KCNQ1: variants seen among roughly 807,000 people sequenced by gnomAD.
The protein encoded by KCNQ1 is potassium voltage-gated channel subfamily Q member 1.
A neutral mutation model predicts 72.4 loss-of-function variants in KCNQ1; 49 were observed. The observed-to-expected ratio is 0.68, with a 90% CI of 0.54 to 0.86. The LOEUF (loss-of-function observed/expected upper bound fraction) is 0.86, where lower values mean the gene tolerates loss of function less well. Ranked by LOEUF, KCNQ1 falls within the 40% of genes least tolerant of loss-of-function variation. The pLI is 0.00. For synonymous variants in KCNQ1, 450 were observed against 412.6 expected, an observed-to-expected ratio of 1.09 and a Z score of -1.10; for missense variants, 790 against 945.1, an observed-to-expected ratio of 0.84 and a Z score of 2.15.
Position 2,746,651 on chromosome 11 carries a change from C to T in KCNQ1, c.1515-22193C>T, listed in dbSNP as rs183192659. Among the ~76,000 whole-genome samples the T allele has an allele frequency of 6.6e-6, 1 of 152,342 alleles. No homozygotes were observed. Among genetic ancestry groups the T allele is most frequent in the Admixed American group, 6.5e-5 (1 of 15,308 alleles). On this transcript the variant is annotated intron_variant, in intron 11 of 15. Coordinates refer to ENST00000155840, the MANE Select transcript of KCNQ1 (RefSeq NM_000218.3). The surrounding 1 kb of genome is among the most constrained non-coding windows in gnomAD (Gnocchi z 5.9). ...GGAGGGAGAGCACAGAGGGAAATGC[C>T]CTTCTCATCGCCCTGTTCCGAGGGC...
chr11:2,471,659 TGTGTGCATGG>T lies in KCNQ1; in HGVS notation c.386+26183_386+26192del, dbSNP rs1316664235. Among the ~76,000 whole-genome samples the T allele has an allele frequency of 2.6e-5, 4 of 151,268 alleles. No homozygotes were observed. The highest frequency in any genetic ancestry group is 9.8e-5 in the African/African-American group (4 of 40,968). On this transcript the variant is annotated intron_variant, in intron 1 of 15. Transcript: ENST00000155840. This position sits in a 1 kb window ranked among gnomAD's most constrained non-coding sequence, Gnocchi z 4.8. ...GGATGTGTGTACACATGTGTATGGGTGTGTGCATGGGTGTGCACATGTGTATGGGTGTGCA... is the reference window on the plus strand; with the variant it reads ...GGATGTGTGTACACATGTGTATGGGTGTGTGCACATGTGTATGGGTGTGCA...
At chr11:2,465,111 A>G (rs1846333174) in intron 1 of KCNQ1, among the ~76,000 whole-genome samples, 1 of 151,916 alleles carries the variant, frequency 6.6e-6, no homozygotes, top group African/African-American at 2.4e-5. Context: ...CAGTCCCTCC[A>G]GAGCTCCTAA....
chr11:2,480,962 C>T (rs1846641545), intron 1 of KCNQ1, among the ~76,000 whole-genome samples: 1 of 152,166 alleles, frequency 6.6e-6, no homozygotes, highest in Admixed American at 6.5e-5. Context: ...GCAGGCAAGT[C>T]TAAGCAGAGC....
chr11:2,751,634 G>C (rs530914156), intron 11 of KCNQ1, among the ~76,000 whole-genome samples: 20 of 152,374 alleles, frequency 1.3e-4, no homozygotes, highest in Non-Finnish European at 2.2e-4. Flanking sequence ...TCTGACAGGC[G>C]GCTGTTCTGA....
chr11:2,601,114 T>G lies in KCNQ1; in HGVS notation c.1393+12260T>G, dbSNP rs1162838532. 1.3e-5 allele frequency among the ~76,000 whole-genome samples: 2 copies of G among 151,974 alleles called. No homozygotes were observed. The highest frequency in any genetic ancestry group is 2.9e-5 in the Non-Finnish European group (2 of 67,996). On this transcript the variant is annotated intron_variant, in intron 10 of 15. Transcript: ENST00000155840. The surrounding 1 kb of genome is among the most constrained non-coding windows in gnomAD (Gnocchi z 5.2). Reference sequence around the variant, plus strand: ...AAAAAAAAAAAAGTCTCTCCAGATTTAAATGCTTTTGGAAACCAGGCTTTA... The same window carrying G: ...AAAAAAAAAAAAGTCTCTCCAGATTGAAATGCTTTTGGAAACCAGGCTTTA...
chr11:2,844,081 G>A (rs1213904287), intron 15 of KCNQ1, among the ~76,000 whole-genome samples: 1 of 152,234 alleles, frequency 6.6e-6, no homozygotes, highest in Non-Finnish European at 1.5e-5. Flanking sequence ...TCGGCCATGG[G>A]AGGTGCTTCT....
At chr11:2,583,135 C>CTG (rs1848528726) in intron 6 of KCNQ1, among the ~76,000 whole-genome samples, 1 of 152,064 alleles carries the variant, frequency 6.6e-6, no homozygotes, top group Admixed American at 6.5e-5. Flanking sequence ...ATGAGGCAGC[C>CTG]GGTGTGGGGC....
intron 15 of KCNQ1, among the ~76,000 whole-genome samples, chr11:2,791,177 G>A (rs566017877): frequency 6.6e-6 from 1 of 152,362 alleles, no homozygotes; most frequent in African/African-American, 2.4e-5. Context: ...GCTGGGATAG[G>A]ACAGCAGGCG....
At chr11:2,798,448 C>A (rs1278441340) in intron 15 of KCNQ1, among the ~76,000 whole-genome samples, 6 of 152,062 alleles carry the variant, frequency 3.9e-5, no homozygotes, top group African/African-American at 7.2e-5. Flanking sequence ...GGCCTCCTTA[C>A]TGGGGTCACC....
rs542004147 is a variant in KCNQ1, at chr11:2,785,728, T to A, written c.1794+7691T>A. On this transcript the variant is annotated intron_variant, in intron 15 of 15. Transcript: ENST00000155840. This position sits in a 1 kb window ranked among gnomAD's most constrained non-coding sequence, Gnocchi z 4.4. ...TCTGTAATATTTATTTTTCTCCTCTTTCTTGCCTCTCATTAGATTATTACT... is the reference window on the plus strand; with the variant it reads ...TCTGTAATATTTATTTTTCTCCTCTATCTTGCCTCTCATTAGATTATTACT... Among the ~76,000 whole-genome samples the A allele has an allele frequency of 6.6e-6, 1 of 152,140 alleles. No homozygotes were observed. The highest frequency in any genetic ancestry group is 1.5e-5 in the Non-Finnish European group (1 of 67,858).
rs576457221 is a variant in KCNQ1, at chr11:2,449,498, G to T, written c.386+4014G>T. Among the ~76,000 whole-genome samples the T allele has an allele frequency of 1.4e-3, 209 of 152,318 alleles. 1 individual carries two copies. The highest frequency in any genetic ancestry group is 0.013 in the South Asian group (65 of 4,832). ...TGGGCCGGCCAGTGCGGGGTCAGGT[G>T]GTTGGAGCCAGGGAGCTGGCACGTC... is the stretch of plus-strand genomic sequence containing the variant. On this transcript the variant is annotated intron_variant, in intron 1 of 15. Transcript: ENST00000155840.
chr11:2,629,764 T>C (rs1849322866), intron 10 of KCNQ1: 2 of 398,412 alleles, frequency 5.0e-6, no homozygotes, highest in South Asian at 2.5e-4. Flanking sequence ...GACTTCTGAA[T>C]GCTGATTTTG....
chr11:2,533,270 C>T (rs1346562944), intron 2 of KCNQ1, among the ~76,000 whole-genome samples: 3 of 152,182 alleles, frequency 2.0e-5, no homozygotes, highest in Non-Finnish European at 4.4e-5. Flanking sequence ...TTCTGCTGAA[C>T]CAGGGATATG....
chr11:2,789,692 A>C (rs1846981102), intron 15 of KCNQ1, among the ~76,000 whole-genome samples: 1 of 152,208 alleles, frequency 6.6e-6, no homozygotes, highest in Admixed American at 6.5e-5. Flanking sequence ...GCTCCTGGGC[A>C]CTGGGACCAC....
At chr11:2,688,188 G>T (rs955573806) in intron 11 of KCNQ1, 3 of 398,710 alleles carry the variant, frequency 7.5e-6, no homozygotes, top group African/African-American at 6.2e-5. Context: ...CCAAGCAAGG[G>T]GGCAGGAGGG....
intron 1 of KCNQ1, among the ~76,000 whole-genome samples, chr11:2,452,867 C>T (rs376833024): frequency 1.3e-5 from 2 of 152,160 alleles, no homozygotes; most frequent in African/African-American, 2.4e-5. Flanking sequence ...CGGCTTCATG[C>T]GTGCTGCGGG....
rs1426161455 is a variant in KCNQ1, at chr11:2,559,839, G to T, written c.478-10789G>T. On this transcript the variant is annotated intron_variant, in intron 2 of 15. Transcript: ENST00000155840. This position sits in a 1 kb window ranked among gnomAD's most constrained non-coding sequence, Gnocchi z 4.9. Reference sequence around the variant, plus strand: ...TCTGCTGCCTGCTTCCTGGGCAGGGGCTCCTTCCTCCCTCTCTGTCTCTGG... The same window carrying T: ...TCTGCTGCCTGCTTCCTGGGCAGGGTCTCCTTCCTCCCTCTCTGTCTCTGG... Among the ~76,000 whole-genome samples, 1 of 152,132 alleles carries T rather than the reference G, an allele frequency of 6.6e-6. No homozygotes were observed. Among genetic ancestry groups the T allele is most frequent in the African/African-American group, 2.4e-5 (1 of 41,510 alleles).
rs1434093671 is a variant in KCNQ1, at chr11:2,748,625, C to A, written c.1515-20219C>A. On this transcript the variant is annotated intron_variant, in intron 11 of 15. Coordinates refer to ENST00000155840, the MANE Select transcript of KCNQ1 (RefSeq NM_000218.3). This position sits in a 1 kb window ranked among gnomAD's most constrained non-coding sequence, Gnocchi z 6.2. ...CCCCAGCCAGCCTGGAATGTGGGGG[C>A]TCAGAGGCCACCCAGAGCCCACAGC... Among the ~76,000 whole-genome samples, 1 of 152,226 alleles carries A rather than the reference C, an allele frequency of 6.6e-6. No individual in the cohort carries two copies. Among genetic ancestry groups the A allele is most frequent in the Admixed American group, 6.5e-5 (1 of 15,292 alleles).
At chr11:2,522,318 C>T (rs1334298809) in intron 1 of KCNQ1, among the ~76,000 whole-genome samples, 1 of 152,152 alleles carries the variant, frequency 6.6e-6, no homozygotes, top group Admixed American at 6.5e-5. Context: ...CTAGCCTGTC[C>T]TGCTTCCCAC....
Sources: gnomAD v4.1 joint callset for allele counts (sites outside exome capture counted in the v4.1 genomes callset) on GRCh38, gnomAD v4.1.1 for gene constraint, Gnocchi (gnomAD v3.1) non-coding constraint, MANE v1.5 for transcripts, NCBI Gene and HGNC (gene_info 2026-07-23, HGNC 2026-07-21) for gene names.